ZFYVE19: variants seen among roughly 807,000 people sequenced by gnomAD.
ZFYVE19 encodes abscission/NoCut checkpoint regulator.
ZFYVE19 carries 49 observed loss-of-function variants against 62.8 expected under a neutral mutation model. The observed-to-expected ratio is 0.78, with a 90% CI of 0.62 to 0.99. ZFYVE19 has a LOEUF of 0.99. Among genes scored for constraint, ZFYVE19 ranks in the 50% least tolerant of loss-of-function variants. The pLI is 0.00. For missense variants in ZFYVE19, 630 were observed against 601.9 expected (o/e 1.05, Z -0.49); for synonymous variants, 242 against 234.3 (o/e 1.03, Z -0.30).
rs376828646 is a variant in ZFYVE19, at chr15:40,810,227, T to C, written c.717+11T>C. On this transcript the variant is annotated intron_variant, in intron 5 of 10. Coordinates refer to ENST00000355341, the MANE Select transcript of ZFYVE19 (RefSeq NM_001077268.2). ...CAAACCCCCCAGCCGGTGAGTGTTA[T>C]GGCTTAGGAGAGAAGCGGGGGTGCT... The C allele has an allele frequency of 5.3e-5, 86 of 1,613,986 alleles. No individual in the cohort carries two copies. Among genetic ancestry groups the C allele is most frequent in the Non-Finnish European group, 5.1e-5 (60 of 1,179,982 alleles).
At chr15:40,814,109 G>C (rs998702713) in intron 10 of ZFYVE19, 39 bp downstream of exon 10, 2 of 1,614,080 alleles carry the variant, frequency 1.2e-6, no homozygotes, top group African/African-American at 2.7e-5. Context: ...GAGCTCAAGG[G>C]CTGCCTGGAT....
At position 40,809,185 on chromosome 15, in the gene ZFYVE19, C is replaced by T. The variant is rs1299814758; in HGVS notation, c.346C>T (p.Arg116Trp). ...CCTAAGCTTCAGTGCAGCAGTGCCT[C>T]GGACTGGGAACACCCAACAGAAAGT... ...GCLSFSAAVP[R>W]TGNTQQKVCK... Residue 116 changes from arginine to tryptophan, a missense_variant, in exon 2 of 11, where the codon CGG (arginine) becomes TGG (tryptophan). Physicochemically the swap from Arg to Trp is moderately radical, Grantham distance 101 (BLOSUM62 -3). Coordinates refer to ENST00000355341, the MANE Select transcript of ZFYVE19 (RefSeq NM_001077268.2). The T allele has an allele frequency of 6.2e-6, 10 of 1,614,082 alleles. No homozygotes were observed. The highest frequency in any genetic ancestry group is 3.3e-5 in the South Asian group (3 of 91,078).
chr15:40,808,677 G>A (rs1890363536), intron 1 of ZFYVE19: 1 of 337,298 alleles, frequency 3.0e-6, no homozygotes, highest in Non-Finnish European at 5.5e-6. Context: ...TAAGTACTGG[G>A]TTTAGTGCCT....
In ZFYVE19 at chr15:40,809,911, C is replaced by G. The variant is rs1368078552; in HGVS notation, c.512C>G (p.Thr171Arg). The G allele has an allele frequency of 3.7e-6, 6 of 1,614,208 alleles. No individual in the cohort carries two copies. The Admixed American group carries it at 1.0e-4, about 27-fold the overall frequency. ...KPSTSQSQGL[T>R]RQDQMIAERL... ...AGCACTTCCCAGAGCCAGGGACTGACACGACAAGACCAGATGATTGCTGAG... is the reference window on the plus strand; with the variant it reads ...AGCACTTCCCAGAGCCAGGGACTGAGACGACAAGACCAGATGATTGCTGAG... The change falls in exon 4 of 11, where the codon ACA becomes AGA. Residue 171 changes from threonine to arginine, a missense_variant. Transcript: ENST00000355341.
Position 40,813,883 on chromosome 15 carries a change from C to A in ZFYVE19, c.1210-60C>A, listed in dbSNP as rs540267163. 1.2e-4 allele frequency: 196 copies of A among 1,592,556 alleles called. 1 individual carries two copies. In the African/African-American group the frequency reaches 2.4e-3, roughly 20 times the overall value. On this transcript the variant is annotated intron_variant, in intron 9 of 10. Transcript: ENST00000355341. Reference sequence around the variant, plus strand: ...CTTCCTGCCTGGCTGACTGCTCCTGCAGCAGCTCACATACCCCACTGGGTA... The same window carrying A: ...CTTCCTGCCTGGCTGACTGCTCCTGAAGCAGCTCACATACCCCACTGGGTA...
In ZFYVE19 at chr15:40,812,841, G is replaced by A. The variant is rs965399102; in HGVS notation, c.969G>A (p.Gln323=). 1.2e-6 allele frequency: 2 copies of A among 1,613,712 alleles called. No individual in the cohort carries two copies. Among genetic ancestry groups the A allele is most frequent in the Admixed American group, 3.3e-5 (2 of 60,030 alleles). ...AGTTGCGGGAGGAGAACACGAGGCA[G>A]GAACGGATTCTGGCCCTGGCCAAGC... ...ALELREENTR[Q]ERILALAKRL... Residue 323 remains glutamine (Q), a synonymous_variant, in exon 7 of 11, where the codon CAG becomes CAA. Transcript: ENST00000355341.
At chr15:40,811,057 A>G (rs1056732724) in intron 6 of ZFYVE19, 2 of 336,770 alleles carry the variant, frequency 5.9e-6, no homozygotes, top group Non-Finnish European at 1.1e-5. Flanking sequence ...ATGTATGGAA[A>G]AACCTACCTC....
intron 1 of ZFYVE19, 117 bp from the exon 2 acceptor site, chr15:40,808,998 TCTTC>T: frequency 6.7e-7 from 1 of 1,483,320 alleles, no homozygotes; most frequent in South Asian, 1.3e-5. Context: ...CCACTCCTCT[TCTTC>T]CTCCCAGCAG....
At chr15:40,809,316 C>G in intron 2 of ZFYVE19, 76 bp downstream of exon 2, 4 of 1,613,516 alleles carry the variant, frequency 2.5e-6, no homozygotes, top group East Asian at 2.2e-5. Flanking sequence ...GCTTTGTACT[C>G]TGTCGCGAGA....
At chr15:40,809,571 T>A in intron 3 of ZFYVE19, 113 bp downstream of exon 3, 1 of 1,357,952 alleles carries the variant, frequency 7.4e-7, no homozygotes, top group Non-Finnish European at 1.0e-6. Context: ...AGGAGAATTC[T>A]CTCCTCTCTG....
At chr15:40,808,167 C>G in intron 1 of ZFYVE19, 1 of 1,378,882 alleles carries the variant, frequency 7.3e-7, no homozygotes, top group Non-Finnish European at 9.5e-7. Flanking sequence ...TGGCGGTTTT[C>G]TTCTCTCCAC....
At chr15:40,807,911 G>A (rs1890320151) in intron 1 of ZFYVE19, 43 bp downstream of exon 1, 6 of 1,553,490 alleles carry the variant, frequency 3.9e-6, no homozygotes, top group Non-Finnish European at 5.2e-6. Flanking sequence ...AGGGAGGAGA[G>A]GAGGGAAAAG....
rs756109729 is a variant in ZFYVE19, at chr15:40,814,269, G to A, written c.*43G>A. 2.5e-6 allele frequency: 4 copies of A among 1,608,018 alleles called. No individual in the cohort carries two copies. Among genetic ancestry groups the A allele is most frequent in the South Asian group, 2.2e-5 (2 of 90,664 alleles). ...CGGAAGGGCAGTCCCACAGGCAGCG[G>A]CACCCATTTCTGGGCCCAGCCACAG... On this transcript the variant is annotated 3_prime_UTR_variant, in exon 11 of 11. Coordinates refer to ENST00000355341, the MANE Select transcript of ZFYVE19 (RefSeq NM_001077268.2).
rs1890256131 is a variant in ZFYVE19, at chr15:40,807,118, A to T, written c.-472A>T. On this transcript the variant is annotated 5_prime_UTR_variant, in exon 1 of 11. Coordinates refer to ENST00000355341, the MANE Select transcript of ZFYVE19 (RefSeq NM_001077268.2). ...CTTGCTGCCTCGCCCCGCGGCCTCT[A>T]GGAGACAGGGGCCACGGGGAGAGCA... 17 of 897,850 alleles carry T rather than the reference A, an allele frequency of 1.9e-5. No individual in the cohort carries two copies. The highest frequency in any genetic ancestry group is 2.8e-5 in the Non-Finnish European group (17 of 609,904). The allele number at this position is 897,850 out of a possible 1,614,324, so 55.6% of individuals were successfully genotyped here.
chr15:40,807,859 C>G lies in ZFYVE19; in HGVS notation c.270C>G (p.Phe90Leu), dbSNP rs1323767474. ...GCTGCGCTGTCAAGTTCACCCTCTT[C>G]AAGAAGGAGGCGAGTCTTCCCTCCC... ...CYGCAVKFTL[F>L]KKEYGCKNCG... Residue 90 changes from phenylalanine (F) to leucine (L), a missense_variant, in exon 1 of 11, where the codon TTC (phenylalanine) becomes TTG (leucine). By Grantham distance (22) the Phe-to-Leu change is conservative. Transcript: ENST00000355341. The G allele has an allele frequency of 6.5e-7, 1 of 1,535,472 alleles. No individual in the cohort carries two copies. The highest frequency in any genetic ancestry group is 1.4e-5 in the African/African-American group (1 of 72,966).
At position 40,809,133 on chromosome 15, in the gene ZFYVE19, T is replaced by C. The variant is rs757674658; in HGVS notation, c.294T>C (p.Asn98=). 5 of 1,614,094 alleles carry C rather than the reference T, an allele frequency of 3.1e-6. No homozygotes were observed. The highest frequency in any genetic ancestry group is 4.2e-6 in the Non-Finnish European group (5 of 1,179,952). ...TLFKKEYGCK[N]CGRAFCSGCL... ...GTTTCTTGTAGTACGGCTGTAAGAA[T>C]TGTGGCAGGGCCTTCTGTTCAGGCT... The change falls in exon 2 of 11, where the codon AAT becomes AAC. Residue 98 remains asparagine, a synonymous_variant. Transcript: ENST00000355341.
At position 40,809,899 on chromosome 15, in the gene ZFYVE19, G is replaced by A; in HGVS notation, c.500G>A (p.Ser167Asn). The A allele has an allele frequency of 6.2e-7, 1 of 1,614,220 alleles. No individual in the cohort carries two copies. The highest frequency in any genetic ancestry group is 8.5e-7 in the Non-Finnish European group (1 of 1,180,050). ...EAKQKPSTSQ[S>N]QGLTRQDQMI... is the part of the protein sequence containing the mutation. Reference sequence around the variant, plus strand: ...AAGCAAAAGCCCAGCACTTCCCAGAGCCAGGGACTGACACGACAAGACCAG... The same window carrying A: ...AAGCAAAAGCCCAGCACTTCCCAGAACCAGGGACTGACACGACAAGACCAG... Residue 167 changes from serine to asparagine, a missense_variant, in exon 4 of 11, where the codon AGC becomes AAC. Transcript: ENST00000355341.
At chr15:40,813,848 C>T (rs756880059) in intron 9 of ZFYVE19, 37 bp downstream of exon 9, 4 of 1,602,352 alleles carry the variant, frequency 2.5e-6, no homozygotes, top group Admixed American at 3.5e-5. Flanking sequence ...CCAGGCTCCC[C>T]CCAGCCTTGC....
rs1012502296 is a variant in ZFYVE19 at position 40,807,230 on chromosome 15, G to C, written c.-360G>C. The C allele has an allele frequency of 1.3e-6, 2 of 1,552,234 alleles. No individual in the cohort carries two copies. Among genetic ancestry groups the C allele is most frequent in the African/African-American group, 2.7e-5 (2 of 73,430 alleles). On this transcript the variant is annotated 5_prime_UTR_variant, in exon 1 of 11. Transcript: ENST00000355341. Reference sequence around the variant, plus strand: ...AGGAAATGTCTGGGAGCCCGCCTGCGGAGGGCATAGCGCCGACCCTCGCTC... The same window carrying C: ...AGGAAATGTCTGGGAGCCCGCCTGCCGAGGGCATAGCGCCGACCCTCGCTC...
Sources: allele counts gnomAD v4.1 joint callset, GRCh38; gene constraint gnomAD v4.1.1; transcripts MANE v1.5; gene names NCBI Gene and HGNC (gene_info 2026-07-23, HGNC 2026-07-21).